Variants in LGR5 observed in about 807,000 individuals in gnomAD.
LGR5 encodes leucine-rich repeat-containing G protein-coupled receptor 5.
Under a neutral mutation model 76.7 loss-of-function variants are expected in LGR5, and 54 were observed. The observed-to-expected ratio is 0.70, with a 90% CI of 0.57 to 0.88. The LOEUF is 0.88. LGR5 is among the 40% of genes least tolerant of loss of function. The pLI, the probability that LGR5 is intolerant of heterozygous loss-of-function variation, is 0.00. For missense variants in LGR5, 1,078 were observed against 1,073.3 expected (o/e 1.00, Z -0.06); for synonymous variants, 406 against 421.9 (o/e 0.96, Z 0.46).
At chr12:71,452,966 C>A (rs1226919821) in intron 1 of LGR5, among the ~76,000 whole-genome samples, 1 of 152,174 alleles carries the variant, frequency 6.6e-6, no homozygotes, top group African/African-American at 2.4e-5. Flanking sequence ...TCACACTAAA[C>A]TCATGCTTTT....
chr12:71,529,345 GGA>G (rs1876179993), intron 3 of LGR5, among the ~76,000 whole-genome samples: 1 of 151,996 alleles, frequency 6.6e-6, no homozygotes, highest in South Asian at 2.1e-4. Context: ...CATGGCATCA[GGA>G]GAGAGAGAGC....
intron 3 of LGR5, among the ~76,000 whole-genome samples, 153 bp downstream of exon 3, chr12:71,524,630 A>G (rs933965481): frequency 4.6e-5 from 7 of 152,238 alleles, no homozygotes; most frequent in African/African-American, 1.7e-4. Context: ...CCATACAGCC[A>G]TATCACACTT....
intron 3 of LGR5, among the ~76,000 whole-genome samples, chr12:71,525,907 TA>T (rs1439771827): frequency 2.6e-5 from 4 of 151,500 alleles, no homozygotes; most frequent in Non-Finnish European, 4.4e-5. Context: ...TTTTCTATCA[TA>T]TTTTTATATT....
Position 71,582,569 on chromosome 12 carries a change from G to C in LGR5, c.1636+30G>C, listed in dbSNP as rs746875086. ...GAAAGGCATCAAAAATTCCTCAACG[G>C]CAGTATCCACCACTGATTCTGAGTC... On this transcript the variant is annotated intron_variant, in intron 17 of 17. Transcript: ENST00000266674. The C allele has an allele frequency of 2.5e-5, 38 of 1,492,962 alleles. No homozygotes were observed. The African/African-American group carries it at 4.8e-4, about 19-fold the overall frequency. 92.5% of individuals were successfully genotyped at this position (1,492,962 alleles called of 1,614,324 possible).
chr12:71,575,995 A>G (rs1878838037), intron 13 of LGR5, among the ~76,000 whole-genome samples: 1 of 152,158 alleles, frequency 6.6e-6, no homozygotes, highest in Non-Finnish European at 1.5e-5. Context: ...GGAACAGAAA[A>G]CCAAACACTG....
chr12:71,501,564 A>G (rs1234627831), intron 1 of LGR5, among the ~76,000 whole-genome samples: 2 of 152,222 alleles, frequency 1.3e-5, no homozygotes, highest in Admixed American at 6.5e-5. Context: ...AGGCAAGAGG[A>G]GCATCGCTCA....
intron 2 of LGR5, among the ~76,000 whole-genome samples, chr12:71,516,150 A>T (rs936507839): frequency 1.3e-5 from 2 of 152,158 alleles, no homozygotes; most frequent in African/African-American, 4.8e-5. Flanking sequence ...AACAGTAGGA[A>T]ATGCAAGTGT....
At chr12:71,537,939 T>G (rs1267520685) in intron 4 of LGR5, among the ~76,000 whole-genome samples, 1 of 151,906 alleles carries the variant, frequency 6.6e-6, no homozygotes, top group Non-Finnish European at 1.5e-5. Context: ...TGGTTTCCCT[T>G]TTTTTTTCTT....
intron 15 of LGR5, 30 bp from the exon 16 acceptor site, chr12:71,580,248 G>GT: frequency 1.3e-6 from 2 of 1,574,666 alleles, no homozygotes; most frequent in African/African-American, 1.4e-5. Context: ...TTCTTTAAGT[G>GT]TTTTTTGTTT....
intron 1 of LGR5, among the ~76,000 whole-genome samples, chr12:71,459,171 C>T (rs1187856553): frequency 6.6e-6 from 1 of 152,000 alleles, no homozygotes; most frequent in Non-Finnish European, 1.5e-5. Context: ...GAGATCTGAC[C>T]TATAATTACT....
chr12:71,514,265 G>A (rs1175877657), intron 2 of LGR5, among the ~76,000 whole-genome samples: 2 of 152,080 alleles, frequency 1.3e-5, no homozygotes. Context: ...AACTTCCTTA[G>A]TCTGGTTAAA....
At chr12:71,546,782 A>G (rs1163280077) in intron 4 of LGR5, among the ~76,000 whole-genome samples, 1 of 152,186 alleles carries the variant, frequency 6.6e-6, no homozygotes, top group Non-Finnish European at 1.5e-5. Flanking sequence ...ATTTCAGAGA[A>G]ACACTTTCAT....
At chr12:71,582,297 A>G (rs1013181815) in intron 16 of LGR5, 159 bp from the exon 17 acceptor site, 8 of 603,864 alleles carry the variant, frequency 1.3e-5, no homozygotes, top group Admixed American at 2.9e-5. Context: ...CTTGAGTCAA[A>G]CATCCAAAGG....
chr12:71,465,680 G>A (rs1002160021), intron 1 of LGR5, among the ~76,000 whole-genome samples: 1 of 152,068 alleles, frequency 6.6e-6, no homozygotes, highest in Non-Finnish European at 1.5e-5. Context: ...TCAGGTAAAC[G>A]CCTGCTATTT....
chr12:71,463,336 C>T (rs1030809870), intron 1 of LGR5, among the ~76,000 whole-genome samples: 1 of 152,198 alleles, frequency 6.6e-6, no homozygotes, highest in Non-Finnish European at 1.5e-5. Flanking sequence ...CCAAAGTAGA[C>T]TCAGACTGTA....
chr12:71,562,573 C>T (rs1343196524), intron 8 of LGR5, among the ~76,000 whole-genome samples: 2 of 152,126 alleles, frequency 1.3e-5, no homozygotes, highest in Admixed American at 6.5e-5. Flanking sequence ...CTGTCTCCAA[C>T]AAAAGGATAA....
At chr12:71,535,376 G>A (rs771483810) in intron 4 of LGR5, among the ~76,000 whole-genome samples, 190 bp downstream of exon 4, 2 of 152,158 alleles carry the variant, frequency 1.3e-5, no homozygotes, top group African/African-American at 2.4e-5. Context: ...ACCAGTGTTG[G>A]AGTTTGGGGT....
At chr12:71,504,475 A>T in intron 1 of LGR5, 139 bp from the exon 2 acceptor site, 1 of 753,420 alleles carries the variant, frequency 1.3e-6, no homozygotes, top group South Asian at 1.4e-5. Context: ...AATATTTAAG[A>T]TGTAGAATAG....
intron 1 of LGR5, among the ~76,000 whole-genome samples, chr12:71,456,476 T>C (rs756680311): frequency 3.9e-5 from 6 of 152,104 alleles, no homozygotes; most frequent in South Asian, 2.1e-4. Context: ...TGCAGCTGCA[T>C]TGTGATTCCG....
Sources: gnomAD v4.1 joint callset for allele counts (sites outside exome capture counted in the v4.1 genomes callset) on GRCh38, gnomAD v4.1.1 for gene constraint, MANE v1.5 for transcripts, NCBI Gene and HGNC (gene_info 2026-07-23, HGNC 2026-07-21) for gene names.